Variants in PTPRD observed in about 807,000 individuals in gnomAD.
PTPRD encodes receptor-type tyrosine-protein phosphatase delta.
PTPRD carries 34 observed loss-of-function variants against 214.5 expected under a neutral mutation model. The ratio of observed to expected loss-of-function variants is 0.16; its 90% CI spans 0.12 to 0.21. The LOEUF is 0.21. PTPRD is among the 10% of genes least tolerant of loss of function. The pLI, the probability that PTPRD is intolerant of heterozygous loss-of-function variation, is 1.00. For synonymous variants in PTPRD, 1,128 were observed against 845.7 expected (o/e 1.33, Z -5.79); for missense variants, 2,545 against 2,398.7 (o/e 1.06, Z -1.27).
chr9:10,055,801 T>C (rs562086771), intron 3 of PTPRD, among the ~76,000 whole-genome samples: 2 of 151,782 alleles, frequency 1.3e-5, no homozygotes, highest in African/African-American at 4.8e-5. Flanking sequence ...AGGAACATTA[T>C]ATATAAATAT....
intron 11 of PTPRD, among the ~76,000 whole-genome samples, chr9:8,943,158 T>C (rs1269570528): frequency 6.6e-6 from 1 of 152,100 alleles, no homozygotes; most frequent in Non-Finnish European, 1.5e-5. Flanking sequence ...AAAGATATTC[T>C]ATGTTCATGG....
At chr9:8,813,885 T>G (rs896769021) in intron 11 of PTPRD, among the ~76,000 whole-genome samples, 1 of 152,244 alleles carries the variant, frequency 6.6e-6, no homozygotes, top group Non-Finnish European at 1.5e-5. Context: ...AAGTCTTCTT[T>G]GGTCCTGGTC....
chr9:8,484,085 C>A (rs751868943), intron 30 of PTPRD, 34 bp downstream of exon 30: 10 of 1,592,376 alleles, frequency 6.3e-6, no homozygotes, highest in Non-Finnish European at 5.1e-6. Flanking sequence ...ACCTATAATT[C>A]TTTCCTTCAG....
rs546868706 is a variant in PTPRD at position 10,354,634 on chromosome 9, T to C, written c.-599-13617A>G. ...GCAATTTTATCTTCTATTCAGTTTG[T>C]ATTAAGAACTTGTTTTAAAATACCT... On this transcript the variant is annotated intron_variant, in intron 2 of 45. Coordinates refer to ENST00000381196, the MANE Select transcript of PTPRD (RefSeq NM_002839.4). Among the ~76,000 whole-genome samples, 11 of 152,348 alleles carry C rather than the reference T, an allele frequency of 7.2e-5. No homozygotes were observed. The South Asian group carries it at 2.3e-3, about 32-fold the overall frequency.
At chr9:9,893,981 G>A (rs2074206015) in intron 5 of PTPRD, among the ~76,000 whole-genome samples, 1 of 151,960 alleles carries the variant, frequency 6.6e-6, no homozygotes, top group Non-Finnish European at 1.5e-5. Context: ...CCCTGTGTTT[G>A]TTGTTGGTAT....
chr9:8,945,299 A>G (rs751143075), intron 11 of PTPRD, among the ~76,000 whole-genome samples: 1 of 151,298 alleles, frequency 6.6e-6, no homozygotes. Flanking sequence ...AGGTTTCTTT[A>G]TTTAGAATAA....
intron 8 of PTPRD, among the ~76,000 whole-genome samples, chr9:9,519,784 T>C (rs2096921851): frequency 6.6e-6 from 1 of 152,084 alleles, no homozygotes; most frequent in Admixed American, 6.6e-5. Flanking sequence ...TCATCTCAAA[T>C]TGTTCTATAC....
intron 33 of PTPRD, among the ~76,000 whole-genome samples, chr9:8,455,814 G>GA: frequency 6.6e-6 from 1 of 152,270 alleles, no homozygotes; most frequent in East Asian, 1.9e-4. Context: ...ATCAGTTGTA[G>GA]AAAAATCTAT....
chr9:10,235,994 C>T (rs930880672), intron 3 of PTPRD, among the ~76,000 whole-genome samples: 4 of 151,614 alleles, frequency 2.6e-5, no homozygotes, highest in Non-Finnish European at 4.4e-5. Context: ...TGGAACTGGG[C>T]GAGGAAAGCT....
intron 10 of PTPRD, among the ~76,000 whole-genome samples, chr9:9,065,895 G>A (rs1451160597): frequency 1.3e-5 from 2 of 151,974 alleles, no homozygotes; most frequent in Admixed American, 1.3e-4. Context: ...TTGCTAAATG[G>A]GTTTAAATAC....
chr9:10,432,747 C>G (rs1199241963), intron 2 of PTPRD, among the ~76,000 whole-genome samples: 1 of 151,986 alleles, frequency 6.6e-6, no homozygotes, highest in Non-Finnish European at 1.5e-5. Flanking sequence ...TTCTTCTGAT[C>G]TTTCACTAGC....
At chr9:9,047,470 A>G (rs1185409722) in intron 10 of PTPRD, among the ~76,000 whole-genome samples, 5 of 152,052 alleles carry the variant, frequency 3.3e-5, no homozygotes, top group Non-Finnish European at 1.5e-5. Context: ...AAAGAATAAA[A>G]CTGACAGAAT....
In PTPRD at chr9:8,673,225, C is replaced by T. The variant is rs117848632; in HGVS notation, c.65-36381G>A. 6.8e-3 allele frequency among the ~76,000 whole-genome samples: 1,040 copies of T among 151,994 alleles called. 4 individuals are homozygous for T. Among genetic ancestry groups the T allele is most frequent in the Middle Eastern group, 0.014 (4 of 292 alleles). ...CCATTTAAAGGAAAACACACACATACGCACAGCTAAAGGTTAACTGAAACG... is the reference window on the plus strand; with the variant it reads ...CCATTTAAAGGAAAACACACACATATGCACAGCTAAAGGTTAACTGAAACG... On this transcript the variant is annotated intron_variant, in intron 12 of 45. Coordinates refer to ENST00000381196, the MANE Select transcript of PTPRD (RefSeq NM_002839.4).
At chr9:10,473,985 G>GC (rs1197427687) in intron 2 of PTPRD, among the ~76,000 whole-genome samples, 28 of 152,098 alleles carry the variant, frequency 1.8e-4, no homozygotes, top group African/African-American at 6.7e-4. Flanking sequence ...CCTGAAGGAA[G>GC]CACTAAATAT....
chr9:10,205,549 G>T (rs962464212), intron 3 of PTPRD, among the ~76,000 whole-genome samples: 1 of 151,972 alleles, frequency 6.6e-6, no homozygotes, highest in African/African-American at 2.4e-5. Context: ...GAGATTACAG[G>T]TGTAAGCCAC....
At chr9:8,816,968 T>C (rs1220532198) in intron 11 of PTPRD, among the ~76,000 whole-genome samples, 1 of 152,230 alleles carries the variant, frequency 6.6e-6, no homozygotes, top group South Asian at 2.1e-4. Flanking sequence ...TAAGTGTAAC[T>C]TACACGGAAG....
At chr9:8,745,537 T>C (rs1349596890) in intron 11 of PTPRD, among the ~76,000 whole-genome samples, 1 of 152,182 alleles carries the variant, frequency 6.6e-6, no homozygotes, top group Non-Finnish European at 1.5e-5. Context: ...AATTCACAAA[T>C]GAAAGTTTAT....
At chr9:10,489,498 C>G (rs563252791) in intron 2 of PTPRD, among the ~76,000 whole-genome samples, 1 of 152,264 alleles carries the variant, frequency 6.6e-6, no homozygotes, top group Admixed American at 6.5e-5. Flanking sequence ...TACACTGTCT[C>G]TGTGCCCAGT....
At chr9:10,495,275 T>C (rs1469557436) in intron 2 of PTPRD, among the ~76,000 whole-genome samples, 1 of 151,732 alleles carries the variant, frequency 6.6e-6, no homozygotes, top group Non-Finnish European at 1.5e-5. Context: ...GAAACATCTC[T>C]TTTCCACAAA....
Sources: allele counts gnomAD v4.1 joint callset (sites outside exome capture counted in the v4.1 genomes callset), GRCh38; gene constraint gnomAD v4.1.1; transcripts MANE v1.5; gene names NCBI Gene and HGNC (gene_info 2026-07-23, HGNC 2026-07-21).